Variants in KIFC3 observed in about 807,000 individuals in gnomAD.
KIFC3 encodes the protein kinesin-like protein KIFC3.
A neutral mutation model predicts 101.8 loss-of-function variants in KIFC3; 60 were observed. The ratio of observed to expected loss-of-function variants is 0.59; its 90% CI spans 0.48 to 0.73. The LOEUF (loss-of-function observed/expected upper bound fraction) is 0.73, where lower values mean the gene tolerates loss of function less well. Ranked by LOEUF, KIFC3 falls within the 30% of genes least tolerant of loss-of-function variation. The probability of loss-of-function intolerance (pLI) is 0.00; values close to 1 mark genes in which losing one functional copy is unlikely to be tolerated. For missense variants in KIFC3, 966 were observed against 1,137.1 expected (o/e 0.85, Z 2.16); for synonymous variants, 476 against 482.7 (o/e 0.99, Z 0.18).
Position 57,823,761 on chromosome 16 carries a change from T to TG in KIFC3, c.109-25480_109-25479insC, listed in dbSNP as rs1568088450. Among the ~76,000 whole-genome samples, 568 of 136,714 alleles carry TG rather than the reference T, an allele frequency of 4.2e-3. 3 individuals are homozygous for TG. The highest frequency in any genetic ancestry group is 7.2e-3 in the Middle Eastern group (2 of 276). The allele number at this position is 136,714 out of a possible 152,430, so 89.7% of individuals were successfully genotyped here. On this transcript the variant is annotated intron_variant, in intron 1 of 2. Transcript: ENST00000563028. ...GTGTGCACCACCACACCCGGCTACTTTGTGTGTGTGTGTGTGTGTGTGTGT... is the reference window on the plus strand; with the variant it reads ...GTGTGCACCACCACACCCGGCTACTTGTGTGTGTGTGTGTGTGTGTGTGTGT...
chr16:57,803,240 G>T, upstream of KIFC3: 1 of 705,244 alleles, frequency 1.4e-6, no homozygotes, highest in Non-Finnish European at 2.6e-6. Flanking sequence ...GGGGCACCTA[G>T]AGCCTCAGAA....
intron 3 of KIFC3, among the ~76,000 whole-genome samples, chr16:57,787,084 TAGAGTGAGTG>T (rs1568023761): frequency 6.6e-6 from 1 of 152,212 alleles, no homozygotes; most frequent in East Asian, 1.9e-4. Context: ...CGATCTGTTC[TAGAGTGAGTG>T]AGATCAGACG....
intron 1 of KIFC3, among the ~76,000 whole-genome samples, chr16:57,853,502 A>G (rs1464657079): frequency 6.6e-6 from 1 of 152,236 alleles, no homozygotes; most frequent in East Asian, 1.9e-4. Flanking sequence ...AACAAAACAT[A>G]GAGGGAACAA....
At position 57,769,661 on chromosome 16, in the gene KIFC3, C is replaced by T; in HGVS notation, c.1152G>A (p.Gly384=). 2.5e-6 allele frequency: 4 copies of T among 1,612,054 alleles called. No homozygotes were observed. The highest frequency in any genetic ancestry group is 3.4e-6 in the Non-Finnish European group (4 of 1,180,012). Residue 384 remains glycine, a synonymous_variant, in exon 9 of 20, where the codon GGG becomes GGA. Transcript: ENST00000445690. This position sits in a 1 kb window ranked among gnomAD's most constrained non-coding sequence, Gnocchi z 4.3. ...GGAAGCCGCGCACCTGCCGCTTGAG[C>T]CCATTGTAGTCGTTGGTGAGGGTCC... ...ALRTLTNDYN[G]LKRQVRGFPL...
chr16:57,861,692 T>C (rs1480279936), intron 1 of KIFC3, among the ~76,000 whole-genome samples: 1 of 152,110 alleles, frequency 6.6e-6, no homozygotes, highest in African/African-American at 2.4e-5. Flanking sequence ...GCGCGGTAGC[T>C]CACACCTGTA....
intron 3 of KIFC3, chr16:57,775,510 G>A (rs536371932): frequency 1.0e-6 from 1 of 987,948 alleles, no homozygotes; most frequent in Non-Finnish European, 1.2e-6. Flanking sequence ...AAACAGGCAA[G>A]AAGTCAGAGA....
In KIFC3 at chr16:57,758,852, GC is replaced by G. The variant is rs557747644; in HGVS notation, c.*81del. 9.2e-5 allele frequency: 148 copies of G among 1,608,998 alleles called. No individual in the cohort carries two copies. The South Asian group carries it at 1.5e-3, about 16-fold the overall frequency. ...CTGCAGCAGGGACAGGCCAGTGAGG[GC>G]CCAGCTTCAGGCCCAGCGGGGTCAC... On this transcript the variant is annotated 3_prime_UTR_variant, in exon 20 of 20. Coordinates refer to ENST00000445690, the MANE Select transcript of KIFC3 (RefSeq NM_001130100.2).
intron 1 of KIFC3, among the ~76,000 whole-genome samples, chr16:57,850,947 C>CTCCTTCCT (rs200153757): frequency 2.0e-3 from 107 of 52,590 alleles, no homozygotes; most frequent in African/African-American, 4.8e-3. Context: ...CCTTCCCTCC[C>CTCCTTCCT]TCCTTCCTTC....
In KIFC3 at chr16:57,847,675, G is replaced by A. The variant is rs77490926; in HGVS notation, c.108+15054C>T. Among the ~76,000 whole-genome samples the A allele has an allele frequency of 9.5e-4, 144 of 152,108 alleles. 1 individual carries two copies. The highest frequency in any genetic ancestry group is 5.2e-3 in the East Asian group (27 of 5,164). On this transcript the variant is annotated intron_variant, in intron 1 of 2. Transcript: ENST00000563028. Reference sequence around the variant, plus strand: ...AGAGATTTGCAGATGATATAAATGCGTAAGAGAACATTGAGACTTTTCTTT... The same window carrying A: ...AGAGATTTGCAGATGATATAAATGCATAAGAGAACATTGAGACTTTTCTTT...
At chr16:57,819,986 A>T (rs1216039120) in intron 1 of KIFC3, among the ~76,000 whole-genome samples, 4 of 152,120 alleles carry the variant, frequency 2.6e-5, no homozygotes, top group Admixed American at 1.3e-4. Flanking sequence ...TTCCTGCCTC[A>T]GTCTCCTGAG....
intron 12 of KIFC3, among the ~76,000 whole-genome samples, chr16:57,763,897 T>C (rs1465746847): frequency 3.3e-5 from 5 of 152,148 alleles, no homozygotes; most frequent in African/African-American, 1.2e-4. Context: ...GAGATCCCTG[T>C]GATGATAGTC....
chr16:57,795,940 C>CTGGAG (rs1217390712), intron 2 of KIFC3, among the ~76,000 whole-genome samples: 3 of 134,030 alleles, frequency 2.2e-5, no homozygotes, highest in East Asian at 4.6e-4. Flanking sequence ...GTTGCCCAGG[C>CTGGAG]TGGAGTGCAG....
intron 2 of KIFC3, chr16:57,797,791 C>A (rs868958838): frequency 5.9e-6 from 8 of 1,347,718 alleles, no homozygotes; most frequent in Non-Finnish European, 6.7e-6. Flanking sequence ...ACCAGCTTGG[C>A]CAGAGGGAAT....
At chr16:57,815,498 T>A (rs2055199223) in intron 1 of KIFC3, 1 of 1,259,482 alleles carries the variant, frequency 7.9e-7, no homozygotes, top group African/African-American at 1.5e-5. Context: ...ACCTGGCTGA[T>A]CTGGGACCAC....
chr16:57,789,650 T>C (rs1296545813), intron 3 of KIFC3, among the ~76,000 whole-genome samples: 2 of 152,132 alleles, frequency 1.3e-5, no homozygotes, highest in African/African-American at 4.8e-5. Context: ...GGAAAGGAGG[T>C]GGCCTTACAT....
At chr16:57,761,654 G>T in intron 13 of KIFC3, 118 bp from the exon 14 acceptor site, 1 of 1,143,044 alleles carries the variant, frequency 8.7e-7, no homozygotes, top group Non-Finnish European at 1.3e-6. Flanking sequence ...CCAGCCATCA[G>T]CTGAGTGCAT....
upstream of KIFC3, among the ~76,000 whole-genome samples, chr16:57,806,668 G>C (rs1183947860): frequency 6.6e-6 from 1 of 152,178 alleles, no homozygotes; most frequent in African/African-American, 2.4e-5. Context: ...GTAAAGTAAT[G>C]ATAATTTCTA....
intron 1 of KIFC3, among the ~76,000 whole-genome samples, chr16:57,822,204 G>A (rs2967139): frequency 0.5 from 75,318 of 151,708 alleles, 19,953 homozygotes; most frequent in African/African-American, 0.68. Context: ...TTTCGGGGCT[G>A]AGCACCCTCA....
At position 57,761,066 on chromosome 16, in the gene KIFC3, A is replaced by G. The variant is rs2049790256; in HGVS notation, c.1978T>C (p.Cys660Arg). The G allele has an allele frequency of 6.8e-6, 11 of 1,612,662 alleles. No individual in the cohort carries two copies. The highest frequency in any genetic ancestry group is 9.3e-6 in the Non-Finnish European group (11 of 1,179,496). ...LLIVTVRGVD[C>R]STGLRTTGKL... ...CCCGTGGTGCGGAGGCCTGTGCTGCAGTCCACGCCTCGCACCGTCACGATG... is the reference window on the plus strand; with the variant it reads ...CCCGTGGTGCGGAGGCCTGTGCTGCGGTCCACGCCTCGCACCGTCACGATG... Residue 660 changes from cysteine (C) to arginine (R), a missense_variant, in exon 15 of 20, where the codon TGC becomes CGC. Transcript: ENST00000445690.
Sources: gnomAD v4.1 joint callset for allele counts (sites outside exome capture counted in the v4.1 genomes callset) on GRCh38, gnomAD v4.1.1 for gene constraint, Gnocchi (gnomAD v3.1) non-coding constraint, MANE v1.5 for transcripts, NCBI Gene and HGNC (gene_info 2026-07-23, HGNC 2026-07-21) for gene names.